CELF2: variants seen among roughly 807,000 people sequenced by gnomAD.
The protein encoded by CELF2 is CUGBP Elav-like family member 2, also known as CUG triplet repeat RNA-binding protein 2.
In CELF2, 8 loss-of-function variants were observed where a neutral mutation model predicts 62.6. The observed-to-expected ratio is 0.13, with a 90% CI of 0.07 to 0.23. CELF2 has a LOEUF of 0.23. Ranked by LOEUF, CELF2 falls within the 10% of genes least tolerant of loss-of-function variation. The pLI is 1.00. For synonymous variants in CELF2, 258 were observed against 250.0 expected (o/e 1.03, Z -0.30); for missense variants, 333 against 671.0 (o/e 0.50, Z 5.56).
chr10:10,952,493 A>T (rs74408127), intron 2 of CELF2, among the ~76,000 whole-genome samples: 1,554 of 152,362 alleles, frequency 0.01, 20 homozygotes, highest in African/African-American at 0.036. Flanking sequence ...GCTTCCAGCC[A>T]TTGGACTCAG....
intron 1 of CELF2, among the ~76,000 whole-genome samples, chr10:11,154,614 C>T (rs1053087566): frequency 2.0e-5 from 3 of 152,224 alleles, no homozygotes; most frequent in Non-Finnish European, 4.4e-5. Context: ...ATCTGATTGC[C>T]TTTTGTTGTG....
In CELF2 at chr10:11,290,004, A is replaced by C. The variant is rs1437813623; in HGVS notation, c.976+1452A>C. The stretch of plus-strand genomic sequence containing the variant: ...AGCACTTTGATTACCCCAAAATAGC[A>C]CTGAGTATTGTGAATGCATTTTGGA... On this transcript the variant is annotated intron_variant, in intron 9 of 12. Coordinates refer to ENST00000633077, the MANE Select transcript of CELF2 (RefSeq NM_001326342.2). This position sits in a 1 kb window ranked among gnomAD's most constrained non-coding sequence, Gnocchi z 4.3. 2.0e-5 allele frequency among the ~76,000 whole-genome samples: 3 copies of C among 152,156 alleles called. No individual in the cohort carries two copies. The highest frequency in any genetic ancestry group is 4.4e-5 in the Non-Finnish European group (3 of 68,026).
the CELF2 span, among the ~76,000 whole-genome samples, chr10:10,513,850 G>C: frequency 3.9e-5 from 6 of 152,122 alleles, no homozygotes; most frequent in Admixed American, 2.0e-4. Context: ...GCAAAGTATA[G>C]ATCCCTCTCT....
chr10:11,152,192 C>A (rs1393888702), intron 1 of CELF2, among the ~76,000 whole-genome samples: 1 of 152,116 alleles, frequency 6.6e-6, no homozygotes, highest in African/African-American at 2.4e-5. Flanking sequence ...AATAGAGTTG[C>A]CATGCCCCAC....
Position 11,217,586 on chromosome 10 carries a change from C to A in CELF2, c.354+79C>A. Reference sequence around the variant, plus strand: ...TTCAACTGAAGGTTCTAGTTATGGGCTCTTAGTGCCAAAAATGACTTTGGT... The same window carrying A: ...TTCAACTGAAGGTTCTAGTTATGGGATCTTAGTGCCAAAAATGACTTTGGT... On this transcript the variant is annotated intron_variant, in intron 3 of 12. Coordinates refer to ENST00000633077, the MANE Select transcript of CELF2 (RefSeq NM_001326342.2). This position sits in a 1 kb window ranked among gnomAD's most constrained non-coding sequence, Gnocchi z 5.6. 9.6e-7 allele frequency: 1 copy of A among 1,046,578 alleles called. No individual in the cohort carries two copies. Among genetic ancestry groups the A allele is most frequent in the Middle Eastern group, 2.1e-4 (1 of 4,870 alleles). 64.8% of individuals were successfully genotyped at this position (1,046,578 alleles called of 1,614,324 possible). A position where few individuals can be genotyped will look rare whatever the true frequency, so the allele number is the denominator to read the frequency against.
chr10:11,301,485 C>G (rs1185832343), intron 9 of CELF2, among the ~76,000 whole-genome samples: 1 of 45,700 alleles, frequency 2.2e-5, no homozygotes, highest in African/African-American at 1.1e-4. Flanking sequence ...CGCTTCCCCC[C>G]CTACCGCACC....
chr10:10,929,161 T>C (rs1185811384), intron 2 of CELF2, among the ~76,000 whole-genome samples: 1 of 152,182 alleles, frequency 6.6e-6, no homozygotes, highest in Non-Finnish European at 1.5e-5. Flanking sequence ...GTTATTAACC[T>C]AAATTTGGCT....
chr10:10,611,823 C>G, the CELF2 span, among the ~76,000 whole-genome samples: 1 of 152,108 alleles, frequency 6.6e-6, no homozygotes, highest in Non-Finnish European at 1.5e-5. Flanking sequence ...TTTTATTTTA[C>G]AATGTGCTCA....
At chr10:11,033,933 A>G (rs1283140019) in intron 1 of CELF2, among the ~76,000 whole-genome samples, 1 of 152,228 alleles carries the variant, frequency 6.6e-6, no homozygotes, top group Non-Finnish European at 1.5e-5. Flanking sequence ...CAACCTAAAC[A>G]TTTCTGTACT....
At chr10:10,808,541 G>C (rs978262723) in intron 1 of CELF2, among the ~76,000 whole-genome samples, 2 of 152,086 alleles carry the variant, frequency 1.3e-5, no homozygotes, top group African/African-American at 4.8e-5. Flanking sequence ...TATGTCAAAA[G>C]GTTCGATTAC....
the CELF2 span, among the ~76,000 whole-genome samples, chr10:10,665,573 T>C: frequency 2.6e-5 from 4 of 152,322 alleles, no homozygotes; most frequent in South Asian, 6.2e-4. Context: ...TATTAAAATG[T>C]TGCTATTTCG....
the CELF2 span, among the ~76,000 whole-genome samples, chr10:10,739,114 G>GA: frequency 2.6e-5 from 4 of 151,260 alleles, no homozygotes; most frequent in East Asian, 1.9e-4. Flanking sequence ...ATTTTTAAGT[G>GA]AAAAAAAATC....
chr10:11,146,114 T>C (rs989090911), intron 1 of CELF2, among the ~76,000 whole-genome samples: 4 of 152,206 alleles, frequency 2.6e-5, no homozygotes, highest in Admixed American at 1.3e-4. Flanking sequence ...GCAAGAAAGC[T>C]TCAGGAGCTG....
Position 11,335,058 on chromosome 10 carries a change from TAA to T in CELF2, c.*6007_*6008del, listed in dbSNP as rs1258991428. 2 of 151,018 alleles carry T rather than the reference TAA, an allele frequency of 1.3e-5. No individual in the cohort carries two copies. The highest frequency in any genetic ancestry group is 4.9e-5 in the African/African-American group (2 of 41,018). 9.4% of individuals were successfully genotyped at this position (151,018 alleles called of 1,614,324 possible). ...TCAGTCCGGTGGAGGCAGGGGGAGG[TAA>T]AGTTTCTCACACTCAAGTCGTCTTC... On this transcript the variant is annotated 3_prime_UTR_variant, in exon 13 of 13. Coordinates refer to ENST00000633077, the MANE Select transcript of CELF2 (RefSeq NM_001326342.2). This position sits in a 1 kb window ranked among gnomAD's most constrained non-coding sequence, Gnocchi z 5.0.
At chr10:10,542,602 G>T in the CELF2 span, among the ~76,000 whole-genome samples, 5 of 152,226 alleles carry the variant, frequency 3.3e-5, no homozygotes, top group East Asian at 1.9e-4. Context: ...AGCCGCACAG[G>T]CTAACTAGAG....
intron 2 of CELF2, among the ~76,000 whole-genome samples, chr10:11,190,325 GA>G (rs34135767): frequency 0.17 from 25,468 of 152,052 alleles, 3,237 homozygotes; most frequent in East Asian, 0.57. Context: ...ATTTTGGCCC[GA>G]TGATAAAGAA....
At chr10:11,199,607 C>G (rs1169289443) in intron 2 of CELF2, among the ~76,000 whole-genome samples, 1 of 152,152 alleles carries the variant, frequency 6.6e-6, no homozygotes, top group Admixed American at 6.5e-5. Flanking sequence ...CCATGAAATT[C>G]ATTTCTAGTC....
chr10:11,217,767 G>A lies in CELF2; in HGVS notation c.354+260G>A, dbSNP rs573775928. ...CAGAGTGACCCCACTGGGCAGCCAC[G>A]GCTGCCAAAGAGTATTGGGTGGGCT... On this transcript the variant is annotated intron_variant, in intron 3 of 12. Transcript: ENST00000633077. The surrounding 1 kb of genome is among the most constrained non-coding windows in gnomAD (Gnocchi z 5.6). Among the ~76,000 whole-genome samples the A allele has an allele frequency of 3.9e-5, 6 of 152,192 alleles. No homozygotes were observed. Among genetic ancestry groups the A allele is most frequent in the South Asian group, 2.1e-4 (1 of 4,818 alleles).
At chr10:11,198,521 A>T (rs2135081922) in intron 2 of CELF2, among the ~76,000 whole-genome samples, 1 of 152,312 alleles carries the variant, frequency 6.6e-6, no homozygotes, top group South Asian at 2.1e-4. Flanking sequence ...TCATGTACTC[A>T]TCTGAACATA....
Sources: gnomAD v4.1 joint callset for allele counts (sites outside exome capture counted in the v4.1 genomes callset) on GRCh38, gnomAD v4.1.1 for gene constraint, Gnocchi (gnomAD v3.1) non-coding constraint, MANE v1.5 for transcripts, NCBI Gene and HGNC (gene_info 2026-07-23, HGNC 2026-07-21) for gene names.